The following GALNT1 variants were observed in gnomAD, a reference collection of about 807,000 sequenced individuals.
The protein encoded by GALNT1 is GalNAc transferase 1.
Under a neutral mutation model 65.7 loss-of-function variants are expected in GALNT1, and 17 were observed. The observed-to-expected ratio is 0.26, with a 90% confidence interval of 0.18 to 0.39. The LOEUF (loss-of-function observed/expected upper bound fraction) is 0.39, where lower values mean the gene tolerates loss of function less well. Ranked by LOEUF, GALNT1 falls within the 10% of genes least tolerant of loss-of-function variation. GALNT1 has a pLI of 1.00. For missense variants in GALNT1, 460 were observed against 672.8 expected (o/e 0.68, Z 3.50); for synonymous variants, 210 against 219.7 (o/e 0.96, Z 0.39).
At chr18:35,664,289 C>A (rs1425444999) in intron 3 of GALNT1, 1 of 153,884 alleles carries the variant, frequency 6.5e-6, no homozygotes, top group Non-Finnish European at 1.4e-5. Context: ...GTTATATTGA[C>A]CTCTCTAAAC....
At chr18:35,700,434 C>T (rs189759249) in intron 9 of GALNT1, among the ~76,000 whole-genome samples, 2 of 152,270 alleles carry the variant, frequency 1.3e-5, no homozygotes, top group East Asian at 3.9e-4. Flanking sequence ...ACCATGCCAC[C>T]CACCTCACCT....
chr18:35,635,459 A>T (rs917110405), intron 1 of GALNT1, among the ~76,000 whole-genome samples: 4 of 152,212 alleles, frequency 2.6e-5, no homozygotes, highest in African/African-American at 9.6e-5. Context: ...ACACAAAAAG[A>T]TCATTAACAA....
At chr18:35,584,516 C>T (rs531481203) in intron 1 of GALNT1, among the ~76,000 whole-genome samples, 5 of 152,204 alleles carry the variant, frequency 3.3e-5, no homozygotes, top group East Asian at 1.9e-4. Flanking sequence ...AAGAGGAGTG[C>T]GGCAACTTCG....
At chr18:35,648,613 T>C (rs1470455649) in intron 1 of GALNT1, among the ~76,000 whole-genome samples, 1 of 152,222 alleles carries the variant, frequency 6.6e-6, no homozygotes, top group Non-Finnish European at 1.5e-5. Flanking sequence ...AATAAGCAAC[T>C]TTTAGTTACT....
chr18:35,639,093 A>C (rs2047129306), intron 1 of GALNT1, among the ~76,000 whole-genome samples: 1 of 152,262 alleles, frequency 6.6e-6, no homozygotes, highest in South Asian at 2.1e-4. Flanking sequence ...TTGATAAAGC[A>C]GTGGCAAGGG....
At chr18:35,595,245 T>TA (rs2046491152) in intron 1 of GALNT1, among the ~76,000 whole-genome samples, 1 of 152,136 alleles carries the variant, frequency 6.6e-6, no homozygotes, top group Admixed American at 6.5e-5. Context: ...AATGAAATGA[T>TA]ATATGAAAAG....
At chr18:35,582,207 G>A (rs1373031343) in intron 1 of GALNT1, among the ~76,000 whole-genome samples, 1 of 152,186 alleles carries the variant, frequency 6.6e-6, no homozygotes, top group Non-Finnish European at 1.5e-5. Flanking sequence ...CAACCGCGGT[G>A]CCAGCCTGAC....
chr18:35,697,092 A>G (rs1459915215), intron 9 of GALNT1, among the ~76,000 whole-genome samples: 5 of 152,206 alleles, frequency 3.3e-5, no homozygotes, highest in Admixed American at 2.6e-4. Flanking sequence ...CTAAGTTGCT[A>G]CTTCCAAAGG....
intron 1 of GALNT1, among the ~76,000 whole-genome samples, chr18:35,592,241 G>A (rs1254417676): frequency 6.6e-6 from 1 of 152,202 alleles, no homozygotes; most frequent in Non-Finnish European, 1.5e-5. Flanking sequence ...GCCAGGCACT[G>A]TGACTACAAT....
chr18:35,645,225 T>G (rs964119740), intron 1 of GALNT1, among the ~76,000 whole-genome samples: 2 of 126,228 alleles, frequency 1.6e-5, no homozygotes, highest in African/African-American at 3.0e-5. Flanking sequence ...AATGTTTTTT[T>G]TTTTTTTTTT....
chr18:35,701,728 G>A (rs2048167390), intron 9 of GALNT1, among the ~76,000 whole-genome samples: 1 of 152,162 alleles, frequency 6.6e-6, no homozygotes, highest in South Asian at 2.1e-4. Flanking sequence ...TTTGTTTTAG[G>A]TAGCACTTCT....
upstream of GALNT1, chr18:35,581,345 G>T (rs1458750575): frequency 6.6e-6 from 1 of 150,980 alleles, no homozygotes; most frequent in Non-Finnish European, 1.5e-5. Context: ...TCCGGGAGGG[G>T]CGCCGCGCCC....
At position 35,663,699 on chromosome 18, in the gene GALNT1, G is replaced by C. The variant is rs150799030; in HGVS notation, c.211G>C (p.Asp71His). ...MGKPVVIPKE[D>H]QEKMKEMFKI... is the part of the protein sequence containing the mutation. Reference sequence around the variant, plus strand: ...GAAACCAGTCGTCATTCCTAAAGAGGATCAAGAAAAGATGAAAGAGATGTT... The same window carrying C: ...GAAACCAGTCGTCATTCCTAAAGAGCATCAAGAAAAGATGAAAGAGATGTT... The change falls in exon 3 of 12, where the codon GAT becomes CAT. Residue 71 changes from aspartate (D) to histidine (H), a missense_variant. Transcript: ENST00000269195. 2 of 1,613,850 alleles carry C rather than the reference G, an allele frequency of 1.2e-6. No individual in the cohort carries two copies. The highest frequency in any genetic ancestry group is 1.7e-6 in the Non-Finnish European group (2 of 1,179,934).
chr18:35,599,365 A>AC (rs201946379), intron 1 of GALNT1, among the ~76,000 whole-genome samples: 1 of 85,312 alleles, frequency 1.2e-5, no homozygotes, highest in African/African-American at 5.5e-5. Context: ...TGAGATTTAC[A>AC]CTTTTTTTTT....
intron 9 of GALNT1, among the ~76,000 whole-genome samples, chr18:35,694,551 C>T (rs2048023028): frequency 6.6e-6 from 1 of 152,174 alleles, no homozygotes; most frequent in Non-Finnish European, 1.5e-5. Flanking sequence ...AAGAGAACTA[C>T]GATATTATCC....
At chr18:35,619,967 A>G (rs2046831312) in intron 1 of GALNT1, among the ~76,000 whole-genome samples, 2 of 152,048 alleles carry the variant, frequency 1.3e-5, no homozygotes, top group Admixed American at 1.3e-4. Flanking sequence ...GTCTTGTCTT[A>G]TTTTTCTATT....
chr18:35,652,411 C>T (rs1028295446), intron 1 of GALNT1, among the ~76,000 whole-genome samples: 11 of 152,122 alleles, frequency 7.2e-5, no homozygotes, highest in African/African-American at 2.4e-4. Flanking sequence ...GATGGGTGTC[C>T]TGGAGTTTCA....
intron 1 of GALNT1, among the ~76,000 whole-genome samples, chr18:35,631,492 G>A (rs551669066): frequency 2.5e-4 from 38 of 152,018 alleles, no homozygotes; most frequent in Admixed American, 7.2e-4. Context: ...AAAGGCCTTC[G>A]ACAAAATTCA....
chr18:35,628,495 C>A (rs997513620), intron 1 of GALNT1, among the ~76,000 whole-genome samples: 9 of 152,208 alleles, frequency 5.9e-5, no homozygotes, highest in Non-Finnish European at 1.2e-4. Flanking sequence ...AAGAGACCTG[C>A]AGCTGAGGGT....
Sources: gnomAD v4.1 joint callset for allele counts (sites outside exome capture counted in the v4.1 genomes callset) on GRCh38, gnomAD v4.1.1 for gene constraint, MANE v1.5 for transcripts, NCBI Gene and HGNC (gene_info 2026-07-23, HGNC 2026-07-21) for gene names.